The following NIP7 variants were observed in gnomAD, a reference collection of about 807,000 sequenced individuals.
NIP7 encodes the protein nucleolar pre-rRNA processing protein NIP7, also known as 60S ribosome subunit biogenesis protein NIP7 homolog.
A neutral mutation model predicts 20.1 loss-of-function variants in NIP7; 12 were observed. That is an observed-to-expected ratio of 0.60 (90% CI 0.38 to 0.97). The LOEUF is 0.97. Ranked by LOEUF, NIP7 falls within the 50% of genes least tolerant of loss-of-function variation. The pLI, the probability that NIP7 is intolerant of heterozygous loss-of-function variation, is 0.00. For synonymous variants in NIP7, 103 were observed against 87.2 expected (o/e 1.18, Z -1.01); for missense variants, 226 against 226.6 (o/e 1.00, Z 0.02).
Position 69,339,813 on chromosome 16 carries a change from C to A in NIP7, c.-17C>A. On this transcript the variant is annotated 5_prime_UTR_variant, in exon 1 of 5. Transcript: ENST00000254940. ...TACCAAGGCACGAGGATCCGGTGTT[C>A]CAACCCAGGGGGAAAAATGCGGCCT... 1.2e-6 allele frequency: 2 copies of A among 1,612,274 alleles called. No individual in the cohort carries two copies. Among genetic ancestry groups the A allele is most frequent in the South Asian group, 1.1e-5 (1 of 91,002 alleles).
intron 3 of NIP7, chr16:69,340,686 TTTTC>T (rs2012504730): frequency 3.9e-6 from 1 of 253,278 alleles, no homozygotes; most frequent in African/African-American, 2.2e-5. Flanking sequence ...TTTTCTATTT[TTTTC>T]TTTTTCTTTC....
At chr16:69,340,485 T>C in intron 3 of NIP7, 153 bp downstream of exon 3, 3 of 963,552 alleles carry the variant, frequency 3.1e-6, no homozygotes, top group East Asian at 2.4e-5. Context: ...TTGAGCATGG[T>C]CAGGGCTATG....
At position 69,339,796 on chromosome 16, in the gene NIP7, C is replaced by A; in HGVS notation, c.-34C>A. ...CGACTTCCGTTTCCAGTTACCAAGGCACGAGGATCCGGTGTTCCAACCCAG... is the reference window on the plus strand; with the variant it reads ...CGACTTCCGTTTCCAGTTACCAAGGAACGAGGATCCGGTGTTCCAACCCAG... On this transcript the variant is annotated 5_prime_UTR_variant, in exon 1 of 5. Transcript: ENST00000254940. 1.2e-6 allele frequency: 2 copies of A among 1,610,742 alleles called. No individual in the cohort carries two copies. Among genetic ancestry groups the A allele is most frequent in the Non-Finnish European group, 1.7e-6 (2 of 1,178,684 alleles).
In NIP7 at chr16:69,342,432, T is replaced by TA. The variant is rs552130925; in HGVS notation, c.*796dup. 7.5e-3 allele frequency: 1,030 copies of TA among 137,008 alleles called. 2 individuals are homozygous for TA. Among genetic ancestry groups the TA allele is most frequent in the African/African-American group, 0.011 (397 of 37,288 alleles). 8.5% of individuals were successfully genotyped at this position (137,008 alleles called of 1,614,324 possible). A position where few individuals can be genotyped will look rare whatever the true frequency, so the allele number is the denominator to read the frequency against. On this transcript the variant is annotated 3_prime_UTR_variant, in exon 5 of 5. Coordinates refer to ENST00000254940, the MANE Select transcript of NIP7 (RefSeq NM_016101.5). ...CAACATGGTGAAACCCCATCTCTACTAAAAAAAAAAAAAAAATTAGGTGTG... is the reference window on the plus strand; with the variant it reads ...CAACATGGTGAAACCCCATCTCTACTAAAAAAAAAAAAAAAAATTAGGTGTG...
In NIP7 at chr16:69,341,571, A is replaced by G; in HGVS notation, c.462A>G (p.Arg154=). The G allele has an allele frequency of 6.2e-7, 1 of 1,614,158 alleles. No homozygotes were observed. Among genetic ancestry groups the G allele is most frequent in the Non-Finnish European group, 8.5e-7 (1 of 1,180,014 alleles). Residue 154 remains arginine, a synonymous_variant, in exon 5 of 5, where the codon AGA becomes AGG. Transcript: ENST00000254940. ...GVAAKSTQDC[R]KVDPMAIVVF... is the part of the protein sequence containing the mutation. ...CAGCCAAATCTACACAAGACTGCAG[A>G]AAAGTAGACCCCATGGCGATTGTGG...
intron 4 of NIP7, 41 bp downstream of exon 4, chr16:69,341,361 T>C: frequency 1.2e-6 from 2 of 1,606,496 alleles, no homozygotes; most frequent in Middle Eastern, 1.7e-4. Flanking sequence ...CAAGTACTCT[T>C]ATTCAAGAAG....
Position 69,341,590 on chromosome 16 carries a change from A to G in NIP7, c.481A>G (p.Ile161Val). 6.2e-7 allele frequency: 1 copy of G among 1,614,034 alleles called. No homozygotes were observed. The highest frequency in any genetic ancestry group is 8.5e-7 in the Non-Finnish European group (1 of 1,179,984). The change falls in exon 5 of 5, where the codon ATT (isoleucine) becomes GTT (valine). Residue 161 changes from isoleucine (I) to valine (V), a missense_variant. Transcript: ENST00000254940. ...QDCRKVDPMA[I>V]VVFHQADIGE... is the part of the protein sequence containing the mutation. ...CTGCAGAAAAGTAGACCCCATGGCG[A>G]TTGTGGTATTTCATCAAGCAGACAT... is the stretch of plus-strand genomic sequence containing the variant.
intron 3 of NIP7, 111 bp downstream of exon 3, chr16:69,340,443 C>A: frequency 7.4e-7 from 1 of 1,346,276 alleles, no homozygotes. Context: ...GGAGGAGTTT[C>A]AGCACATGGA....
At position 69,341,319 on chromosome 16, in the gene NIP7, TG is replaced by T; in HGVS notation, c.423+1del. On this transcript the variant is annotated frameshift_variant and splice_region_variant, in exon 4 of 5. Transcript: ENST00000254940. LOFTEE classifies it high-confidence loss of function. Reference protein sequence around the residue: ...VVVYSMADIPLGFGVAAKSTQ... With the variant: ...VVVYSMADIPXGFGVAAKSTQ... ...GTGTACTCCATGGCAGACATCCCTT[TG>T]GTGAGTAGAGATGGTAGCTGTTACA... 1 of 1,613,828 alleles carries T rather than the reference TG, an allele frequency of 6.2e-7. No individual in the cohort carries two copies. The highest frequency in any genetic ancestry group is 8.5e-7 in the Non-Finnish European group (1 of 1,179,900).
intron 2 of NIP7, 44 bp from the exon 3 acceptor site, chr16:69,340,150 G>C: frequency 6.2e-7 from 1 of 1,613,390 alleles, no homozygotes; most frequent in African/African-American, 1.3e-5. Flanking sequence ...TGGGTCCCAC[G>C]AGCCTCCTTC....
At position 69,340,123 on chromosome 16, in the gene NIP7, C is replaced by T. The variant is rs201780839; in HGVS notation, c.143+31C>T. The T allele has an allele frequency of 8.6e-4, 1,391 of 1,613,386 alleles. 2 individuals carry two copies. The highest frequency in any genetic ancestry group is 1.8e-3 in the Admixed American group (108 of 59,958). On this transcript the variant is annotated intron_variant, in intron 2 of 4. Transcript: ENST00000254940. ...GCGGGGCCGGGCAGGCAGCATGGAC[C>T]CAGGGGAGAGGGGTCCTGGGTCCCA...
Position 69,339,901 on chromosome 16 carries a change from G to C in NIP7, c.56+16G>C, listed in dbSNP as rs957166184. ...TAGCGAAATAGTAGGAGCGCGCGGG[G>C]CGGACGCGGGAGTGTGTGGGTGTGG... On this transcript the variant is annotated intron_variant, in intron 1 of 4. Coordinates refer to ENST00000254940, the MANE Select transcript of NIP7 (RefSeq NM_016101.5). 6.2e-7 allele frequency: 1 copy of C among 1,613,546 alleles called. No homozygotes were observed. Among genetic ancestry groups the C allele is most frequent in the Non-Finnish European group, 8.5e-7 (1 of 1,179,998 alleles).
At chr16:69,340,947 A>C in intron 3 of NIP7, 2 of 406,108 alleles carry the variant, frequency 4.9e-6, no homozygotes, top group Non-Finnish European at 9.0e-6. Context: ...TCCTGGCCTC[A>C]AGTGATCCAC....
chr16:69,343,053 C>T lies in NIP7; in HGVS notation c.*1401C>T, dbSNP rs566351491. On this transcript the variant is annotated 3_prime_UTR_variant, in exon 5 of 5. Transcript: ENST00000254940. The stretch of plus-strand genomic sequence containing the variant: ...TGAATATATTGCTTATTTTAAGTTC[C>T]AAAGGTGAAGTCTTTAAGAATAAAA... The T allele has an allele frequency of 2.2e-4, 38 of 175,176 alleles. No individual in the cohort carries two copies. In the Middle Eastern group the frequency reaches 7.6e-3, roughly 35 times the overall value. 10.9% of individuals were successfully genotyped at this position (175,176 alleles called of 1,614,324 possible). A position where few individuals can be genotyped will look rare whatever the true frequency, so the allele number is the denominator to read the frequency against.
intron 3 of NIP7, 91 bp from the exon 4 acceptor site, chr16:69,341,089 A>T: frequency 9.1e-7 from 1 of 1,102,166 alleles, no homozygotes; most frequent in Non-Finnish European, 1.3e-6. Flanking sequence ...AAATTATTTC[A>T]GAAAATTATT....
chr16:69,339,828 A>C lies in NIP7; in HGVS notation c.-2A>C, dbSNP rs201626214. The C allele has an allele frequency of 1.9e-6, 3 of 1,612,786 alleles. No individual in the cohort carries two copies. The highest frequency in any genetic ancestry group is 2.5e-6 in the Non-Finnish European group (3 of 1,180,020). ...ATCCGGTGTTCCAACCCAGGGGGAA[A>C]AATGCGGCCTTTGACTGAAGAGGAG... On this transcript the variant is annotated 5_prime_UTR_variant, in exon 1 of 5. Coordinates refer to ENST00000254940, the MANE Select transcript of NIP7 (RefSeq NM_016101.5).
In NIP7 at chr16:69,342,905, G is replaced by T. The variant is rs2012600819; in HGVS notation, c.*1253G>T. On this transcript the variant is annotated 3_prime_UTR_variant, in exon 5 of 5. Transcript: ENST00000254940. The stretch of plus-strand genomic sequence containing the variant: ...TCAGAGGCCACGACATAAAAATTCA[G>T]TCCCTTTGTCCTTCCCCGTGCCTCC... 2 of 152,554 alleles carry T rather than the reference G, an allele frequency of 1.3e-5. No individual in the cohort carries two copies. The highest frequency in any genetic ancestry group is 1.3e-4 in the Admixed American group (2 of 15,300). 9.5% of individuals were successfully genotyped at this position (152,554 alleles called of 1,614,324 possible). A position where few individuals can be genotyped will look rare whatever the true frequency, so the allele number is the denominator to read the frequency against.
At position 69,340,086 on chromosome 16, in the gene NIP7, A is replaced by G. The variant is rs199819295; in HGVS notation, c.137A>G (p.Tyr46Cys). 3 of 1,614,000 alleles carry G rather than the reference A, an allele frequency of 1.9e-6. No individual in the cohort carries two copies. Among genetic ancestry groups the G allele is most frequent in the East Asian group, 2.2e-5 (1 of 44,862 alleles). The change falls in exon 2 of 5, where the codon TAT becomes TGT. Residue 46 changes from tyrosine to cysteine, a missense_variant. Physicochemically the swap from Tyr to Cys is radical, Grantham distance 194 (BLOSUM62 -2). Transcript: ENST00000254940. ...CFRLHNDRVY[Y>C]VSEKIMKLAA... ...CGTCTGCACAACGACCGGGTGTACT[A>G]TGTGAGGTGAGGCGGGGCCGGGCAG...
Position 69,341,730 on chromosome 16 carries a change from C to A in NIP7, c.*78C>A. The A allele has an allele frequency of 1.3e-6, 2 of 1,569,330 alleles. No homozygotes were observed. Among genetic ancestry groups the A allele is most frequent in the Admixed American group, 1.8e-5 (1 of 56,290 alleles). On this transcript the variant is annotated 3_prime_UTR_variant, in exon 5 of 5. Coordinates refer to ENST00000254940, the MANE Select transcript of NIP7 (RefSeq NM_016101.5). ...CCTGTGTTTGTGTGGACTCCACCAT[C>A]ATGTTGAATTTTGTCAACACTCTGG...
Sources: allele counts gnomAD v4.1 joint callset, GRCh38; gene constraint gnomAD v4.1.1; transcripts MANE v1.5; gene names NCBI Gene and HGNC (gene_info 2026-07-23, HGNC 2026-07-21).